SBF2: variants seen among roughly 807,000 people sequenced by gnomAD.
The protein encoded by SBF2 is myotubularin-related protein 13.
SBF2 carries 112 observed loss-of-function variants against 225.2 expected under a neutral mutation model. The observed-to-expected ratio is 0.50, with a 90% CI of 0.43 to 0.58. SBF2 has a LOEUF of 0.58. Among genes scored for constraint, SBF2 ranks in the 20% least tolerant of loss-of-function variants. SBF2 has a pLI of 0.00. For missense variants in SBF2, 1,996 were observed against 2,206.2 expected, an observed-to-expected ratio of 0.90 and a Z score of 1.91; for synonymous variants, 763 against 773.3, an observed-to-expected ratio of 0.99 and a Z score of 0.22.
In SBF2 at chr11:9,790,743, C is replaced by T. The variant is rs568344158; in HGVS notation, c.4571-60G>A. ...AATAAATTCACACTTTGCCAAAAAA[C>T]GTATGATGCATGCAGCAGATAAAAA... is the stretch of plus-strand genomic sequence containing the variant. On this transcript the variant is annotated intron_variant, in intron 33 of 39. Transcript: ENST00000256190. 122 of 1,307,236 alleles carry T rather than the reference C, an allele frequency of 9.3e-5. No homozygotes were observed. In the South Asian group the frequency reaches 1.2e-3, roughly 13 times the overall value. The allele number at this position is 1,307,236 out of a possible 1,614,324, so 81.0% of individuals were successfully genotyped here.
Position 10,174,123 on chromosome 11 carries a change from C to T in SBF2, c.141+19779G>A, listed in dbSNP as rs1447363403. Among the ~76,000 whole-genome samples, 12 of 151,970 alleles carry T rather than the reference C, an allele frequency of 7.9e-5. No homozygotes were observed. In the East Asian group the frequency reaches 2.1e-3, roughly 27 times the overall value. Reference sequence around the variant, plus strand: ...GAGCGCCTCTCCTCCTCCAAAGCAACACAGTTCCTCACCAGCAACGGAACA... The same window carrying T: ...GAGCGCCTCTCCTCCTCCAAAGCAATACAGTTCCTCACCAGCAACGGAACA... On this transcript the variant is annotated intron_variant, in intron 2 of 39. Transcript: ENST00000256190.
chr11:9,833,636 G>A (rs1023918334), intron 26 of SBF2, among the ~76,000 whole-genome samples: 5 of 151,882 alleles, frequency 3.3e-5, no homozygotes, highest in Non-Finnish European at 5.9e-5. Flanking sequence ...TAGCCAGGAT[G>A]GTCTCGATCT....
intron 6 of SBF2, among the ~76,000 whole-genome samples, chr11:10,019,221 C>T (rs528260085): frequency 9.7e-4 from 147 of 152,184 alleles, no homozygotes; most frequent in Non-Finnish European, 1.6e-3. Flanking sequence ...AAGGGCATTA[C>T]GGGAACTTTC....
chr11:9,787,742 C>A lies in SBF2; in HGVS notation c.4933-4G>T, dbSNP rs1852467919. Reference sequence around the variant, plus strand: ...TGTGCTCCAATTTTTCAATTTCCTGCAAAGAAATTAAAAGTTTTCTGATCA... The same window carrying A: ...TGTGCTCCAATTTTTCAATTTCCTGAAAAGAAATTAAAAGTTTTCTGATCA... On this transcript the variant is annotated splice_region_variant and splice_polypyrimidine_tract_variant and intron_variant, in intron 35 of 39. Transcript: ENST00000256190. 1.9e-6 allele frequency: 3 copies of A among 1,612,616 alleles called. No individual in the cohort carries two copies. Among genetic ancestry groups the A allele is most frequent in the Admixed American group, 1.7e-5 (1 of 59,990 alleles).
chr11:10,033,997 C>T (rs1309208608), intron 3 of SBF2, among the ~76,000 whole-genome samples: 1 of 152,120 alleles, frequency 6.6e-6, no homozygotes, highest in Non-Finnish European at 1.5e-5. Context: ...TTTTATACTA[C>T]AAAAGTTTCA....
chr11:10,122,858 G>A (rs1388054711), intron 2 of SBF2, among the ~76,000 whole-genome samples: 3 of 152,146 alleles, frequency 2.0e-5, no homozygotes, highest in Non-Finnish European at 4.4e-5. Flanking sequence ...TACAAGAATT[G>A]AAACTCTATA....
chr11:9,802,779 GA>G (rs1047023712), intron 32 of SBF2, among the ~76,000 whole-genome samples: 1 of 152,184 alleles, frequency 6.6e-6, no homozygotes, highest in Non-Finnish European at 1.5e-5. Context: ...GCAAGAGTCA[GA>G]AAAACTATTT....
chr11:9,968,316 T>TTA, intron 14 of SBF2, 25 bp downstream of exon 14: 1 of 1,607,798 alleles, frequency 6.2e-7, no homozygotes, highest in South Asian at 1.1e-5. Flanking sequence ...CAGTTTACTT[T>TTA]TAAAACAGAC....
chr11:9,917,814 G>C (rs561197256), intron 16 of SBF2, among the ~76,000 whole-genome samples: 1 of 151,098 alleles, frequency 6.6e-6, no homozygotes, highest in Non-Finnish European at 1.5e-5. Context: ...CCATCTGACC[G>C]GACACCTCCA....
intron 28 of SBF2, among the ~76,000 whole-genome samples, chr11:9,824,730 T>G (rs1372505756): frequency 6.6e-6 from 1 of 152,036 alleles, no homozygotes; most frequent in East Asian, 1.9e-4. Context: ...AAATACAAGA[T>G]CAGGTTGTGG....
At chr11:10,279,839 A>G (rs1963275516) in intron 1 of SBF2, among the ~76,000 whole-genome samples, 1 of 151,944 alleles carries the variant, frequency 6.6e-6, no homozygotes, top group Non-Finnish European at 1.5e-5. Context: ...TAGTAGAGAC[A>G]GGGGTTTCAC....
chr11:10,162,060 G>A (rs1955767326), intron 2 of SBF2, among the ~76,000 whole-genome samples: 1 of 152,112 alleles, frequency 6.6e-6, no homozygotes, highest in African/African-American at 2.4e-5. Flanking sequence ...TTCCTTCTGT[G>A]TAGGACGAGA....
chr11:10,018,643 G>A (rs1440084143), intron 6 of SBF2, among the ~76,000 whole-genome samples: 10 of 152,086 alleles, frequency 6.6e-5, no homozygotes, highest in Admixed American at 6.5e-4. Context: ...GGACAGTTTT[G>A]AACCAGGATC....
At chr11:10,093,188 T>C (rs1951854176) in intron 2 of SBF2, among the ~76,000 whole-genome samples, 1 of 151,988 alleles carries the variant, frequency 6.6e-6, no homozygotes, top group Non-Finnish European at 1.5e-5. Context: ...AGCTAATTTT[T>C]GTATTTTCAT....
chr11:10,030,640 G>T (rs1339311375), intron 4 of SBF2, among the ~76,000 whole-genome samples: 1 of 152,178 alleles, frequency 6.6e-6, no homozygotes, highest in African/African-American at 2.4e-5. Flanking sequence ...TTTGACAGAA[G>T]TATGATCAGA....
intron 1 of SBF2, among the ~76,000 whole-genome samples, chr11:10,199,390 T>G (rs1255992852): frequency 6.6e-6 from 1 of 151,842 alleles, no homozygotes; most frequent in African/African-American, 2.4e-5. Context: ...ATGGAAAAGC[T>G]TGAAAACTTG....
intron 13 of SBF2, among the ~76,000 whole-genome samples, chr11:9,988,458 T>C (rs1947284443): frequency 6.6e-6 from 1 of 151,688 alleles, no homozygotes; most frequent in South Asian, 2.1e-4. Context: ...GTCAGCAGAG[T>C]AAACAGACAA....
intron 2 of SBF2, among the ~76,000 whole-genome samples, chr11:10,133,810 A>G (rs1340631268): frequency 3.3e-5 from 5 of 152,146 alleles, no homozygotes; most frequent in Non-Finnish European, 7.4e-5. Context: ...GAGCCCAGGC[A>G]GGGGAGGTGC....
At chr11:10,083,778 G>C (rs1197454787) in intron 2 of SBF2, among the ~76,000 whole-genome samples, 6 of 152,020 alleles carry the variant, frequency 3.9e-5, no homozygotes, top group African/African-American at 1.4e-4. Context: ...AAAAATACCA[G>C]AAGAAAACGT....
Sources: allele counts gnomAD v4.1 joint callset (sites outside exome capture counted in the v4.1 genomes callset), GRCh38; gene constraint gnomAD v4.1.1; transcripts MANE v1.5; gene names NCBI Gene and HGNC (gene_info 2026-07-23, HGNC 2026-07-21).